Variants in SMYD3 observed in about 807,000 individuals in gnomAD.
SMYD3 encodes histone-lysine N-methyltransferase SMYD3.
A neutral mutation model predicts 57.7 loss-of-function variants in SMYD3; 36 were observed. That is an observed-to-expected ratio of 0.62 (90% CI 0.48 to 0.82). The LOEUF is 0.82. SMYD3 is among the 40% of genes least tolerant of loss of function. The pLI is 0.00. For missense variants in SMYD3, 515 were observed against 538.8 expected, an observed-to-expected ratio of 0.96 and a Z score of 0.44; for synonymous variants, 211 against 195.0, an observed-to-expected ratio of 1.08 and a Z score of -0.68.
At chr1:246,210,966 G>A (rs10802347) in intron 5 of SMYD3, among the ~76,000 whole-genome samples, 62,884 of 151,926 alleles carry the variant, frequency 0.41, 14,578 homozygotes, top group East Asian at 0.79. Flanking sequence ...TCCCAGGCGC[G>A]TCTGCTGTGA....
At chr1:246,180,836 C>T (rs2062538798) in intron 5 of SMYD3, among the ~76,000 whole-genome samples, 1 of 140,600 alleles carries the variant, frequency 7.1e-6, no homozygotes, top group Non-Finnish European at 1.5e-5. Flanking sequence ...AATCACTATA[C>T]CTAGTTTCCA....
intron 5 of SMYD3, among the ~76,000 whole-genome samples, chr1:246,320,093 C>T (rs1382118895): frequency 2.6e-5 from 4 of 151,878 alleles, no homozygotes; most frequent in East Asian, 3.9e-4. Flanking sequence ...GATTTCTTAT[C>T]GTATTGTGAA....
intron 10 of SMYD3, among the ~76,000 whole-genome samples, chr1:245,774,110 G>T (rs927278760): frequency 6.6e-6 from 1 of 152,158 alleles, no homozygotes; most frequent in Non-Finnish European, 1.5e-5. Context: ...TGGCAAGATA[G>T]GAAGGCATTG....
intron 5 of SMYD3, among the ~76,000 whole-genome samples, chr1:246,305,323 T>C (rs993184305): frequency 7.9e-5 from 12 of 152,350 alleles, no homozygotes; most frequent in South Asian, 2.1e-4. Context: ...AATAGAATTA[T>C]AGAAAATCTC....
At chr1:246,067,636 C>T (rs2060365720) in intron 5 of SMYD3, among the ~76,000 whole-genome samples, 1 of 152,094 alleles carries the variant, frequency 6.6e-6, no homozygotes, top group African/African-American at 2.4e-5. Context: ...TGGGGCGCTC[C>T]AAGGAGAGTG....
chr1:245,764,689 GTATT>G (rs1047854104), intron 10 of SMYD3, among the ~76,000 whole-genome samples: 2 of 151,986 alleles, frequency 1.3e-5, no homozygotes, highest in Non-Finnish European at 2.9e-5. Context: ...GAGCACGTGT[GTATT>G]TATTTATCAT....
At chr1:246,464,789 C>T (rs543352338) in intron 1 of SMYD3, among the ~76,000 whole-genome samples, 3 of 152,248 alleles carry the variant, frequency 2.0e-5, no homozygotes, top group African/African-American at 7.2e-5. Context: ...ACAACTGGTT[C>T]TGTGTAGTCT....
At chr1:246,135,546 C>T (rs555813444) in intron 5 of SMYD3, among the ~76,000 whole-genome samples, 3 of 152,048 alleles carry the variant, frequency 2.0e-5, no homozygotes, top group South Asian at 2.1e-4. Context: ...AGGCAAAGAA[C>T]ATAAATTTGC....
chr1:246,414,221 G>C (rs1232946216), intron 1 of SMYD3, among the ~76,000 whole-genome samples: 1 of 152,184 alleles, frequency 6.6e-6, no homozygotes, highest in Non-Finnish European at 1.5e-5. Flanking sequence ...CCAGGGCTGA[G>C]ATATCACCCA....
intron 5 of SMYD3, among the ~76,000 whole-genome samples, chr1:246,277,557 C>A (rs1331675965): frequency 6.6e-6 from 1 of 152,164 alleles, no homozygotes; most frequent in African/African-American, 2.4e-5. Flanking sequence ...AACCACATGT[C>A]CACCCAAAGA....
At chr1:246,255,761 TTGTC>T (rs2063872557) in intron 5 of SMYD3, among the ~76,000 whole-genome samples, 3 of 127,344 alleles carry the variant, frequency 2.4e-5, no homozygotes, top group African/African-American at 9.3e-5. Context: ...GCGAATCCAT[TTGTC>T]TGGGGCATTT....
intron 5 of SMYD3, among the ~76,000 whole-genome samples, chr1:245,989,721 C>G (rs997175451): frequency 1.3e-5 from 2 of 152,204 alleles, no homozygotes; most frequent in African/African-American, 2.4e-5. Context: ...GGGCTTCCCC[C>G]CTCCCACAGA....
chr1:245,954,187 C>T (rs2057756474), intron 5 of SMYD3, among the ~76,000 whole-genome samples: 1 of 152,168 alleles, frequency 6.6e-6, no homozygotes, highest in South Asian at 2.1e-4. Context: ...ACCATTTGCC[C>T]TGGTATAAAT....
chr1:246,434,130 A>T (rs2067336200), intron 1 of SMYD3, among the ~76,000 whole-genome samples: 1 of 152,240 alleles, frequency 6.6e-6, no homozygotes, highest in South Asian at 2.1e-4. Flanking sequence ...AAGATGGATA[A>T]GATTTAAATA....
intron 5 of SMYD3, among the ~76,000 whole-genome samples, chr1:246,309,740 A>G (rs1006469464): frequency 7.2e-5 from 11 of 152,218 alleles, no homozygotes; most frequent in Admixed American, 6.5e-4. Flanking sequence ...TTACTAGCCA[A>G]TTCCATAGCA....
At chr1:245,889,112 A>G (rs888905990) in intron 8 of SMYD3, among the ~76,000 whole-genome samples, 1 of 152,212 alleles carries the variant, frequency 6.6e-6, no homozygotes, top group Non-Finnish European at 1.5e-5. Context: ...TTTGTGTGGC[A>G]GAGACCTATA....
chr1:245,781,655 G>T (rs1040957632), intron 10 of SMYD3, among the ~76,000 whole-genome samples: 24 of 152,022 alleles, frequency 1.6e-4, no homozygotes, highest in Non-Finnish European at 2.9e-4. Flanking sequence ...TCTTATAATG[G>T]TCTCCTCCAA....
At chr1:246,476,431 T>G (rs1169940245) in intron 1 of SMYD3, among the ~76,000 whole-genome samples, 1 of 152,220 alleles carries the variant, frequency 6.6e-6, no homozygotes, top group African/African-American at 2.4e-5. Flanking sequence ...TGAGTTAAGT[T>G]GGTCTAAGAC....
intron 10 of SMYD3, among the ~76,000 whole-genome samples, chr1:245,799,284 C>T (rs1438838762): frequency 2.0e-5 from 3 of 152,170 alleles, no homozygotes; most frequent in Non-Finnish European, 4.4e-5. Context: ...GTTGCAGCAG[C>T]TCAGCAGGAA....
Sources: allele counts gnomAD v4.1 joint callset (sites outside exome capture counted in the v4.1 genomes callset), GRCh38; gene constraint gnomAD v4.1.1; transcripts MANE v1.5; gene names NCBI Gene and HGNC (gene_info 2026-07-23, HGNC 2026-07-21).